AOPEP: variants seen among roughly 807,000 people sequenced by gnomAD.
AOPEP encodes the protein aminopeptidase O (putative).
In AOPEP, 77 loss-of-function variants were observed where a neutral mutation model predicts 98.1. The observed-to-expected ratio is 0.78, with a 90% CI of 0.65 to 0.95. The LOEUF (loss-of-function observed/expected upper bound fraction) is 0.95, where lower values mean the gene tolerates loss of function less well. Ranked by LOEUF, AOPEP falls within the 40% of genes least tolerant of loss-of-function variation. AOPEP has a pLI of 0.00. For synonymous variants in AOPEP, 346 were observed against 365.3 expected (o/e 0.95, Z 0.60); for missense variants, 1,024 against 1,024.7 (o/e 1.00, Z 0.01).
In AOPEP at chr9:94,924,115, G is replaced by T; in HGVS notation, c.1494G>T (p.Glu498Asp). Residue 498 changes from glutamate to aspartate, a missense_variant, in exon 6 of 17, where the codon GAG becomes GAT. Around this residue, in one of 3 missense-constraint regions of AOPEP, gnomAD observed 566 missense variants for 551.7 expected, o/e 1.03. Coordinates refer to ENST00000375315, the MANE Select transcript of AOPEP (RefSeq NM_001193329.3). The stretch of plus-strand genomic sequence containing the variant: ...TCGGGGCCCGAGACTGGACGGAGGA[G>T]TGGCTGAGTGAAGGCTTCGCCACTC... ...LAIGARDWTEEWLSEGFATHL... is the reference protein window; with the variant it reads ...LAIGARDWTEDWLSEGFATHL... 1 of 1,508,304 alleles carries T rather than the reference G, an allele frequency of 6.6e-7. No individual in the cohort carries two copies. Among genetic ancestry groups the T allele is most frequent in the Non-Finnish European group, 8.9e-7 (1 of 1,125,522 alleles). 93.4% of individuals were successfully genotyped at this position (1,508,304 alleles called of 1,614,324 possible). A position where few individuals can be genotyped will look rare whatever the true frequency, so the allele number is the denominator to read the frequency against.
Position 95,051,089 on chromosome 9 carries a change from C to CT in AOPEP, c.2116-9587dup, listed in dbSNP as rs34143867. Among the ~76,000 whole-genome samples the CT allele has an allele frequency of 2.1e-3, 270 of 129,910 alleles. 11 individuals are homozygous for CT. The highest frequency in any genetic ancestry group is 9.2e-3 in the Middle Eastern group (2 of 218). 85.2% of individuals were successfully genotyped at this position (129,910 alleles called of 152,430 possible). On this transcript the variant is annotated intron_variant, in intron 13 of 16. Coordinates refer to ENST00000375315, the MANE Select transcript of AOPEP (RefSeq NM_001193329.3). ...ATCTCTAAAATGTTTTTGTGGCTTA[C>CT]TTTTTTTTTTTTTTTTTTGAGACGG...
At position 94,918,739 on chromosome 9, in the gene AOPEP, G is replaced by C. The variant is rs185756258; in HGVS notation, c.1365-5247G>C. ...TGAGATGGCATGTGTAAAATACAGT[G>C]CCTGGCACGTAGCAAACACTGAGCA... On this transcript the variant is annotated intron_variant, in intron 5 of 16. Coordinates refer to ENST00000375315, the MANE Select transcript of AOPEP (RefSeq NM_001193329.3). Among the ~76,000 whole-genome samples, 13 of 152,310 alleles carry C rather than the reference G, an allele frequency of 8.5e-5. No individual in the cohort carries two copies. The East Asian group carries it at 2.3e-3, about 27-fold the overall frequency.
intron 13 of AOPEP, among the ~76,000 whole-genome samples, chr9:95,016,047 G>T (rs2062954530): frequency 6.6e-6 from 1 of 151,718 alleles, no homozygotes; most frequent in African/African-American, 2.4e-5. Context: ...TGAAATCAAA[G>T]TGCCACAGCA....
intron 13 of AOPEP, among the ~76,000 whole-genome samples, chr9:95,008,595 G>C (rs945844309): frequency 6.6e-6 from 1 of 152,172 alleles, no homozygotes; most frequent in Non-Finnish European, 1.5e-5. Context: ...AACTCACCCT[G>C]TGCTCAGCTG....
the AOPEP span, chr9:95,123,305 AAAAATAAAAT>A: frequency 6.8e-6 from 2 of 295,608 alleles, no homozygotes; most frequent in African/African-American, 4.5e-5. Context: ...GCCTGTCTCA[AAAAATAAAAT>A]AAAATAAAAA....
intron 2 of AOPEP, among the ~76,000 whole-genome samples, chr9:94,771,093 G>A (rs757332250): frequency 4.6e-5 from 7 of 152,120 alleles, no homozygotes; most frequent in Non-Finnish European, 8.8e-5. Context: ...AGCCTTGGGG[G>A]CCACATACCT....
chr9:94,799,403 TAAAA>T (rs765788408), intron 4 of AOPEP, among the ~76,000 whole-genome samples: 1 of 132,856 alleles, frequency 7.5e-6, no homozygotes, highest in Non-Finnish European at 1.6e-5. Flanking sequence ...CCCCATCTCT[TAAAA>T]AAAAAAAAAA....
At chr9:94,958,925 G>A (rs983788484) in intron 9 of AOPEP, among the ~76,000 whole-genome samples, 1 of 151,082 alleles carries the variant, frequency 6.6e-6, no homozygotes, top group African/African-American at 2.4e-5. Flanking sequence ...TATGCTTTAA[G>A]TGTCATAACT....
At chr9:95,098,981 A>T in the AOPEP span, 1 of 174,670 alleles carries the variant, frequency 5.7e-6, no homozygotes. Context: ...TGAGGCCCGA[A>T]GCTTCCACTG....
At chr9:95,088,971 G>C (rs2070827454), downstream of AOPEP, among the ~76,000 whole-genome samples, 1 of 152,240 alleles carries the variant, frequency 6.6e-6, no homozygotes, top group Non-Finnish European at 1.5e-5. Context: ...GGGGCACCCT[G>C]CCCGTGCTGG....
At chr9:95,005,776 C>A (rs922906387) in intron 13 of AOPEP, among the ~76,000 whole-genome samples, 160 bp downstream of exon 13, 2 of 152,018 alleles carry the variant, frequency 1.3e-5, no homozygotes, top group African/African-American at 4.8e-5. Context: ...AAATATTGGT[C>A]GATAAGGCTA....
At position 95,082,591 on chromosome 9, in the gene AOPEP, T is replaced by G; in HGVS notation, c.2336T>G (p.Leu779Arg). Residue 779 changes from leucine (L) to arginine (R), a missense_variant, in exon 16 of 17, where the codon CTC becomes CGC. Around this residue, in one of 3 missense-constraint regions of AOPEP, gnomAD observed 566 missense variants for 551.7 expected, o/e 1.03. Transcript: ENST00000375315. ...LQEDQAMGVY[L>R]YGELMVSEDA... ...GCCCTGCAGGCCATGGGTGTGTACC[T>G]CTACGGGGAGCTGATGGTGAGTGAG... 6.2e-7 allele frequency: 1 copy of G among 1,614,154 alleles called. No individual in the cohort carries two copies.
At chr9:94,851,241 G>A (rs1326601050) in intron 5 of AOPEP, among the ~76,000 whole-genome samples, 1 of 152,138 alleles carries the variant, frequency 6.6e-6, no homozygotes, top group Non-Finnish European at 1.5e-5. Flanking sequence ...GCATGCAAAG[G>A]GTGACCGGTA....
At chr9:94,784,955 C>T (rs922887362) in intron 3 of AOPEP, among the ~76,000 whole-genome samples, 18 of 150,050 alleles carry the variant, frequency 1.2e-4, no homozygotes, top group African/African-American at 3.2e-4. Flanking sequence ...TATTTTGAGA[C>T]GGAGTTTAGC....
At chr9:94,937,120 G>A (rs867632952) in intron 7 of AOPEP, among the ~76,000 whole-genome samples, 1 of 152,212 alleles carries the variant, frequency 6.6e-6, no homozygotes, top group South Asian at 2.1e-4. Flanking sequence ...AGATTGGGGG[G>A]CGGGGCTGAA....
intron 5 of AOPEP, among the ~76,000 whole-genome samples, chr9:94,828,261 G>A (rs1278235696): frequency 6.6e-6 from 1 of 152,100 alleles, no homozygotes; most frequent in East Asian, 1.9e-4. Flanking sequence ...TTGTGCTTTT[G>A]GTGTCATATT....
At chr9:94,976,978 C>T (rs960508135) in intron 10 of AOPEP, among the ~76,000 whole-genome samples, 6 of 152,172 alleles carry the variant, frequency 3.9e-5, no homozygotes, top group African/African-American at 7.2e-5. Context: ...AGAAGTCAGC[C>T]TCTTGCTCTG....
At chr9:94,747,493 T>C (rs1396201026) in intron 1 of AOPEP, among the ~76,000 whole-genome samples, 1 of 152,174 alleles carries the variant, frequency 6.6e-6, no homozygotes, top group African/African-American at 2.4e-5. Context: ...AGCTCAATGT[T>C]GTTTTAACAC....
intron 12 of AOPEP, 50 bp from the exon 13 acceptor site, chr9:95,005,492 C>A: frequency 1.3e-6 from 2 of 1,518,854 alleles, no homozygotes; most frequent in Non-Finnish European, 1.8e-6. Flanking sequence ...GGGGGATGGC[C>A]GTCAGGACCC....
Sources: gnomAD v4.1 joint callset for allele counts (sites outside exome capture counted in the v4.1 genomes callset) on GRCh38, gnomAD v4.1.1 for gene constraint, gnomAD v4.1.1 regional missense constraint, MANE v1.5 for transcripts, NCBI Gene and HGNC (gene_info 2026-07-23, HGNC 2026-07-21) for gene names.